Variants in CEP350 observed in about 807,000 individuals in gnomAD.
CEP350 encodes centrosomal protein 350.
Under a neutral mutation model 331.8 loss-of-function variants are expected in CEP350, and 126 were observed. That is an observed-to-expected ratio of 0.38 (90% CI 0.33 to 0.44). CEP350 has a LOEUF of 0.44. Ranked by LOEUF, CEP350 falls within the 20% of genes least tolerant of loss-of-function variation. The pLI, the probability that CEP350 is intolerant of heterozygous loss-of-function variation, is 1.00. For missense variants in CEP350, 3,406 were observed against 3,634.6 expected (o/e 0.94, Z 1.62); for synonymous variants, 1,200 against 1,259.5 (o/e 0.95, Z 1.00).
intron 1 of CEP350, chr1:179,969,438 C>T: frequency 2.0e-6 from 1 of 497,888 alleles, no homozygotes; most frequent in Non-Finnish European, 4.0e-6. Flanking sequence ...GACTGGAGTG[C>T]TCAGAAGACT....
chr1:180,004,894 G>GCTTTCTTTCTTT (rs1491483049), intron 7 of CEP350, among the ~76,000 whole-genome samples: 5 of 59,944 alleles, frequency 8.3e-5, no homozygotes, highest in African/African-American at 2.2e-4. Context: ...TTGCTTGCTT[G>GCTTTCTTTCTTT]CTTGCTTGCT....
chr1:180,053,656 C>A, intron 23 of CEP350, 94 bp from the exon 24 acceptor site: 1 of 671,800 alleles, frequency 1.5e-6, no homozygotes. Flanking sequence ...TTGTTAAATA[C>A]ATAGTTTGTT....
At chr1:180,015,086 T>C (rs1260319065) in intron 10 of CEP350, among the ~76,000 whole-genome samples, 1 of 152,124 alleles carries the variant, frequency 6.6e-6, no homozygotes, top group Non-Finnish European at 1.5e-5. Flanking sequence ...GTCATCTTCA[T>C]GTTGAGTAGG....
At chr1:180,048,509 T>C in intron 21 of CEP350, 27 bp from the exon 22 acceptor site, 2 of 1,519,316 alleles carry the variant, frequency 1.3e-6, no homozygotes, top group South Asian at 2.4e-5. Context: ...AATTTTGTTG[T>C]TGTTGTTTCC....
intron 31 of CEP350, 175 bp downstream of exon 31, chr1:180,084,353 C>T: frequency 2.0e-6 from 1 of 494,384 alleles, no homozygotes; most frequent in African/African-American, 2.0e-5. Flanking sequence ...TTGCTTAAAA[C>T]ATTAAATTTT....
intron 12 of CEP350, 99 bp downstream of exon 12, chr1:180,021,108 A>C: frequency 9.0e-7 from 1 of 1,105,344 alleles, no homozygotes; most frequent in East Asian, 2.7e-5. Flanking sequence ...TTTTTCGTTG[A>C]GTGGATAATG....
intron 20 of CEP350, 95 bp from the exon 21 acceptor site, chr1:180,043,956 T>G: frequency 9.3e-7 from 1 of 1,073,510 alleles, no homozygotes. Flanking sequence ...ATCTATTTGT[T>G]CAAGATTTTA....
rs371839858 is a variant in CEP350, at chr1:180,020,168, A to G, written c.2394A>G (p.Pro798=). Residue 798 remains proline, a synonymous_variant, in exon 12 of 38, where the codon CCA becomes CCG. Transcript: ENST00000367607. ...GGCCATTAACTTTTACACCTCAACC[A>G]TATGTGACCTCACCAGCTGCTTATA... is the stretch of plus-strand genomic sequence containing the variant. ...ASRPLTFTPQ[P]YVTSPAAYTD... 35 of 1,613,896 alleles carry G rather than the reference A, an allele frequency of 2.2e-5. No individual in the cohort carries two copies. The South Asian group carries it at 3.1e-4, about 14-fold the overall frequency.
In CEP350 at chr1:180,078,619, C is replaced by T; in HGVS notation, c.5924C>T (p.Thr1975Ile). Residue 1975 changes from threonine (T) to isoleucine (I), a missense_variant, in exon 29 of 38, where the codon ACT becomes ATT. Thr to Ile is a moderately conservative substitution (Grantham distance 89, BLOSUM62 -1). Coordinates refer to ENST00000367607, the MANE Select transcript of CEP350 (RefSeq NM_014810.5). ...GGGAGTCCAGATCACAGTATACTTA[C>T]TGAAGAAATGATTTGTTCACAGGAA... ...QPGSPDHSIL[T>I]EEMICSQELE... 6.2e-7 allele frequency: 1 copy of T among 1,612,668 alleles called. No individual in the cohort carries two copies. The highest frequency in any genetic ancestry group is 8.5e-7 in the Non-Finnish European group (1 of 1,179,272).
intron 27 of CEP350, among the ~76,000 whole-genome samples, chr1:180,073,465 G>A (rs769881923): frequency 2.0e-5 from 3 of 152,126 alleles, no homozygotes; most frequent in Non-Finnish European, 4.4e-5. Flanking sequence ...GTCTGTTAAA[G>A]CTTAATTGAA....
intron 14 of CEP350, among the ~76,000 whole-genome samples, chr1:180,031,076 C>T (rs1303089301): frequency 3.3e-5 from 5 of 151,718 alleles, no homozygotes. Flanking sequence ...ATTACTATTG[C>T]ACTAAGAATG....
At chr1:180,017,627 G>T (rs926370636) in intron 11 of CEP350, among the ~76,000 whole-genome samples, 2 of 152,024 alleles carry the variant, frequency 1.3e-5, no homozygotes, top group Admixed American at 1.3e-4. Flanking sequence ...CAACTTCTTT[G>T]ACTCCTGATG....
rs138738581 is a variant in CEP350, at chr1:179,959,223, G to A, written c.-14+4081G>A. The stretch of plus-strand genomic sequence containing the variant: ...TGTAATCCCAGCTCTTAGAGAGGCC[G>A]AGGCAAGTGGGTCACTTGAGGTCAG... On this transcript the variant is annotated intron_variant, in intron 1 of 37. Coordinates refer to ENST00000367607, the MANE Select transcript of CEP350 (RefSeq NM_014810.5). 3.4e-3 allele frequency among the ~76,000 whole-genome samples: 513 copies of A among 152,304 alleles called. 4 individuals are homozygous for A. Among genetic ancestry groups the A allele is most frequent in the African/African-American group, 0.012 (507 of 41,566 alleles).
rs377502552 is a variant in CEP350 at position 179,963,720 on chromosome 1, A to C, written c.-14+8578A>C. Among the ~76,000 whole-genome samples, 3 of 152,068 alleles carry C rather than the reference A, an allele frequency of 2.0e-5. No individual in the cohort carries two copies. The South Asian group carries it at 6.2e-4, about 31-fold the overall frequency. ...AGATGTCTGTTTTTGTATTGGTAAC[A>C]TGCTGTTTTGGTTAGGATATCCTTG... On this transcript the variant is annotated intron_variant, in intron 1 of 37. Coordinates refer to ENST00000367607, the MANE Select transcript of CEP350 (RefSeq NM_014810.5).
At chr1:180,072,664 G>A (rs565059618) in intron 27 of CEP350, among the ~76,000 whole-genome samples, 4 of 152,302 alleles carry the variant, frequency 2.6e-5, no homozygotes, top group Admixed American at 1.3e-4. Flanking sequence ...GTGTATGTGT[G>A]TGTAAGTGAA....
intron 21 of CEP350, among the ~76,000 whole-genome samples, chr1:180,045,595 C>G (rs1657067360): frequency 6.6e-6 from 1 of 152,168 alleles, no homozygotes; most frequent in Non-Finnish European, 1.5e-5. Flanking sequence ...CTGAAACTAT[C>G]TGATGTTCAT....
chr1:180,073,007 GT>G (rs1408195075), intron 27 of CEP350, among the ~76,000 whole-genome samples: 1 of 151,962 alleles, frequency 6.6e-6, no homozygotes, highest in Non-Finnish European at 1.5e-5. Flanking sequence ...AAGAAAATAT[GT>G]TTTTTCCTGC....
intron 14 of CEP350, among the ~76,000 whole-genome samples, chr1:180,029,191 T>C (rs1442164259): frequency 3.3e-5 from 5 of 152,226 alleles, no homozygotes; most frequent in African/African-American, 1.2e-4. Context: ...ATGGCTTTAC[T>C]TGGCAATCTT....
At chr1:179,998,998 A>G (rs2148724989) in intron 6 of CEP350, among the ~76,000 whole-genome samples, 1 of 152,244 alleles carries the variant, frequency 6.6e-6, no homozygotes, top group South Asian at 2.1e-4. Context: ...TTTTCTAGTC[A>G]TTCGTGTATC....
Sources: gnomAD v4.1 joint callset for allele counts (sites outside exome capture counted in the v4.1 genomes callset) on GRCh38, gnomAD v4.1.1 for gene constraint, MANE v1.5 for transcripts, NCBI Gene and HGNC (gene_info 2026-07-23, HGNC 2026-07-21) for gene names.